Variants in EPDR1 observed in about 807,000 individuals in gnomAD.
EPDR1 encodes ependymin related 1.
In EPDR1, 27 loss-of-function variants were observed where a neutral mutation model predicts 23.7. That is an observed-to-expected ratio of 1.14 (90% CI 0.84 to 1.57). The LOEUF (loss-of-function observed/expected upper bound fraction) is 1.57, where lower values mean the gene tolerates loss of function less well. Among genes scored for constraint, EPDR1 ranks in the 40% most tolerant of loss-of-function variants. The pLI is 0.00. For synonymous variants in EPDR1, 137 were observed against 118.2 expected (o/e 1.16, Z -1.03); for missense variants, 349 against 290.4 (o/e 1.20, Z -1.47).
chr7:37,947,517 C>T lies in EPDR1; in HGVS notation c.270-1323C>T, dbSNP rs192408907. 3.4e-3 allele frequency among the ~76,000 whole-genome samples: 514 copies of T among 152,296 alleles called. 6 individuals are homozygous for T. The highest frequency in any genetic ancestry group is 0.011 in the African/African-American group (467 of 41,556). ...TTCCGAAGAAAATAGTTTTTAAGCT[C>T]GGGCTTGGGCTGGAGAGCAAATGTC... On this transcript the variant is annotated intron_variant, in intron 1 of 2. Coordinates refer to ENST00000199448, the MANE Select transcript of EPDR1 (RefSeq NM_017549.5).
intron 1 of EPDR1, among the ~76,000 whole-genome samples, chr7:37,932,204 T>C (rs1431115154): frequency 1.3e-5 from 2 of 152,200 alleles, no homozygotes; most frequent in Non-Finnish European, 1.5e-5. Context: ...TCTAAGTCAC[T>C]GCCTGTGAGG....
At chr7:37,947,534 G>A (rs1289865856) in intron 1 of EPDR1, among the ~76,000 whole-genome samples, 1 of 152,206 alleles carries the variant, frequency 6.6e-6, no homozygotes, top group East Asian at 1.9e-4. Flanking sequence ...GGGCTGGAGA[G>A]CAAATGTCTT....
In EPDR1 at chr7:37,950,621, G is replaced by A. The variant is rs113288753; in HGVS notation, c.*225G>A. On this transcript the variant is annotated 3_prime_UTR_variant, in exon 3 of 3. Transcript: ENST00000199448. ...TGTGGCCATATGAACTGACTAGATG[G>A]CTAATATGGACACTTTGGGTATTTC... 1 of 517,748 alleles carries A rather than the reference G, an allele frequency of 1.9e-6. No individual in the cohort carries two copies. The highest frequency in any genetic ancestry group is 1.9e-5 in the African/African-American group (1 of 53,016). 32.1% of individuals were successfully genotyped at this position (517,748 alleles called of 1,614,324 possible).
At chr7:37,924,060 G>C (rs989942033) in intron 1 of EPDR1, among the ~76,000 whole-genome samples, 2 of 152,194 alleles carry the variant, frequency 1.3e-5, no homozygotes, top group African/African-American at 4.8e-5. Flanking sequence ...CTTCGAGTAA[G>C]GAAACTCAAA....
intron 1 of EPDR1, among the ~76,000 whole-genome samples, chr7:37,925,745 C>G (rs1412905606): frequency 6.6e-6 from 1 of 152,128 alleles, no homozygotes; most frequent in Non-Finnish European, 1.5e-5. Context: ...AATGTTGATA[C>G]TAAATCACTT....
chr7:37,947,276 C>T (rs1786296104), intron 1 of EPDR1, among the ~76,000 whole-genome samples: 1 of 152,194 alleles, frequency 6.6e-6, no homozygotes, highest in African/African-American at 2.4e-5. Context: ...AGTGCAGTCA[C>T]ATGCAGTACA....
At chr7:37,949,911 C>T (rs994491028) in intron 2 of EPDR1, among the ~76,000 whole-genome samples, 3 of 152,094 alleles carry the variant, frequency 2.0e-5, no homozygotes, top group South Asian at 2.1e-4. Flanking sequence ...TATGTAGAGT[C>T]GTCAAATTCA....
intron 1 of EPDR1, among the ~76,000 whole-genome samples, chr7:37,943,358 G>A (rs1786207944): frequency 6.6e-6 from 1 of 152,124 alleles, no homozygotes; most frequent in Non-Finnish European, 1.5e-5. Context: ...TGGGTCCACG[G>A]GTTATTCCCG....
At chr7:37,932,016 T>G (rs1785953232) in intron 1 of EPDR1, among the ~76,000 whole-genome samples, 1 of 152,198 alleles carries the variant, frequency 6.6e-6, no homozygotes, top group African/African-American at 2.4e-5. Flanking sequence ...TCGGGAACTT[T>G]CCTCTAGTAT....
At position 37,921,133 on chromosome 7, in the gene EPDR1, C is replaced by T; in HGVS notation, c.194C>T (p.Ala65Val). The T allele has an allele frequency of 6.3e-7, 1 of 1,595,832 alleles. No homozygotes were observed. The highest frequency in any genetic ancestry group is 8.5e-7 in the Non-Finnish European group (1 of 1,178,634). Residue 65 changes from alanine (A) to valine (V), a missense_variant, in exon 1 of 3, where the codon GCC becomes GTC. Coordinates refer to ENST00000199448, the MANE Select transcript of EPDR1 (RefSeq NM_017549.5). ...YQQSSGRNSR[A>V]LLSYDGLNQR... ...CAAAGTAGCGGGCGCAACAGCCGCG[C>T]CCTGCTCTCCTACGACGGGCTCAAC...
At chr7:37,926,609 G>A (rs1785819495) in intron 1 of EPDR1, 1 of 443,996 alleles carries the variant, frequency 2.3e-6, no homozygotes, top group African/African-American at 2.0e-5. Flanking sequence ...TTGCAGGCCA[G>A]TTATTTTGTA....
intron 1 of EPDR1, among the ~76,000 whole-genome samples, chr7:37,927,263 A>G (rs1341116009): frequency 2.0e-5 from 3 of 152,220 alleles, no homozygotes; most frequent in Non-Finnish European, 4.4e-5. Context: ...ACACACACTC[A>G]TACATATATA....
At chr7:37,936,043 C>CAA (rs1786045231) in intron 1 of EPDR1, among the ~76,000 whole-genome samples, 3 of 83,754 alleles carry the variant, frequency 3.6e-5, no homozygotes, top group Non-Finnish European at 4.9e-5. Context: ...TATATATACA[C>CAA]AAGGGAAATG....
chr7:37,942,144 A>C (rs936179898), intron 1 of EPDR1, among the ~76,000 whole-genome samples: 19 of 152,302 alleles, frequency 1.2e-4, no homozygotes, highest in African/African-American at 4.6e-4. Flanking sequence ...CATATTGAAA[A>C]ATCAATCCAA....
intron 1 of EPDR1, among the ~76,000 whole-genome samples, chr7:37,930,432 G>A (rs1344319802): frequency 1.3e-5 from 2 of 152,232 alleles, no homozygotes; most frequent in Non-Finnish European, 2.9e-5. Flanking sequence ...AGTGAAGGAT[G>A]GGGGAAGAGA....
intron 1 of EPDR1, among the ~76,000 whole-genome samples, chr7:37,930,919 C>G (rs557749805): frequency 6.6e-6 from 1 of 152,182 alleles, no homozygotes; most frequent in Non-Finnish European, 1.5e-5. Flanking sequence ...TTATAAGGAG[C>G]TTTGTCACAA....
intron 1 of EPDR1, among the ~76,000 whole-genome samples, chr7:37,941,295 G>A (rs1181506885): frequency 2.6e-5 from 4 of 152,110 alleles, no homozygotes; most frequent in African/African-American, 9.7e-5. Flanking sequence ...ACAGTTATTG[G>A]GTAACAGGAC....
chr7:37,940,094 C>T (rs1443777169), intron 1 of EPDR1, among the ~76,000 whole-genome samples: 1 of 151,932 alleles, frequency 6.6e-6, no homozygotes, highest in Non-Finnish European at 1.5e-5. Context: ...ATTTACATGG[C>T]CATGAAAAAA....
rs960970193 is a variant in EPDR1 at position 37,931,070 on chromosome 7, G to A, written c.269+9862G>A. On this transcript the variant is annotated intron_variant, in intron 1 of 2. Coordinates refer to ENST00000199448, the MANE Select transcript of EPDR1 (RefSeq NM_017549.5). ...AAATTATTCAATTTTTTTTTTCAGAGAAGACACTAAGGTTGCATACTTTCA... is the reference window on the plus strand; with the variant it reads ...AAATTATTCAATTTTTTTTTTCAGAAAAGACACTAAGGTTGCATACTTTCA... 7.9e-5 allele frequency among the ~76,000 whole-genome samples: 12 copies of A among 151,272 alleles called. No homozygotes were observed. The East Asian group carries it at 2.1e-3, about 27-fold the overall frequency.
Sources: gnomAD v4.1 joint callset for allele counts (sites outside exome capture counted in the v4.1 genomes callset) on GRCh38, gnomAD v4.1.1 for gene constraint, MANE v1.5 for transcripts, NCBI Gene and HGNC (gene_info 2026-07-23, HGNC 2026-07-21) for gene names.